OPN3: variants seen among roughly 807,000 people sequenced by gnomAD.
The protein encoded by OPN3 is opsin 3.
A neutral mutation model predicts 33.8 loss-of-function variants in OPN3; 29 were observed. The observed-to-expected ratio is 0.86, with a 90% confidence interval of 0.64 to 1.17. OPN3 has a LOEUF of 1.17. Among genes scored for constraint, OPN3 ranks in the 50% most tolerant of loss-of-function variants. The probability of loss-of-function intolerance (pLI) is 0.00; values close to 1 mark genes in which losing one functional copy is unlikely to be tolerated. For synonymous variants in OPN3, 216 were observed against 216.1 expected, an observed-to-expected ratio of 1.00 and a Z score of 0.00; for missense variants, 437 against 514.1, an observed-to-expected ratio of 0.85 and a Z score of 1.45.
chr1:241,619,424 T>C (rs2148012311), intron 1 of OPN3, among the ~76,000 whole-genome samples: 1 of 152,322 alleles, frequency 6.6e-6, no homozygotes, highest in East Asian at 1.9e-4. Flanking sequence ...CAGTTCTGAT[T>C]TCTGTACTTT....
intron 1 of OPN3, among the ~76,000 whole-genome samples, chr1:241,609,608 A>G (rs865880895): frequency 1.3e-5 from 2 of 152,380 alleles, no homozygotes; most frequent in Middle Eastern, 3.4e-3. Context: ...ACAACATTAC[A>G]GAACAATGTA....
intron 1 of OPN3, among the ~76,000 whole-genome samples, chr1:241,624,993 T>C (rs985433018): frequency 1.3e-5 from 2 of 152,224 alleles, no homozygotes; most frequent in South Asian, 2.1e-4. Flanking sequence ...ATAGCAACCA[T>C]TGGCATCCAG....
rs763535646 is a variant in OPN3, at chr1:241,594,446, G to T, written c.1191C>A (p.Ile397=). The change falls in exon 4 of 4, where the codon ATC becomes ATA. Residue 397 remains isoleucine, a synonymous_variant. Coordinates refer to ENST00000366554, the MANE Select transcript of OPN3 (RefSeq NM_014322.3). ...DKTNGSKVDV[I]QVRPL is the part of the protein sequence containing the mutation. ...TTCATTCCTACAAAGGACGAACTTG[G>T]ATTACATCAACTTTGGACCCATTGG... is the stretch of plus-strand genomic sequence containing the variant. The T allele has an allele frequency of 3.7e-6, 6 of 1,613,244 alleles. No individual in the cohort carries two copies. The highest frequency in any genetic ancestry group is 1.3e-5 in the African/African-American group (1 of 75,004).
At chr1:241,605,634 T>C (rs1663808999) in intron 1 of OPN3, among the ~76,000 whole-genome samples, 1 of 152,220 alleles carries the variant, frequency 6.6e-6, no homozygotes, top group South Asian at 2.1e-4. Context: ...GTGTAAACAC[T>C]GACAATGACC....
rs1665067504 is a variant in OPN3 at position 241,640,167 on chromosome 1, G to A, written c.88C>T (p.Leu30=). ...GGGCTGAAGAGGGGCGCGGGGCTCA[G>A]TGTCCCCGCCGGCGCCGGCCCCTCA... ...GAEGPAPAGT[L]SPAPLFSPGT... The change falls in exon 1 of 4, where the codon CTG becomes TTG. Residue 30 remains leucine, a synonymous_variant. Coordinates refer to ENST00000366554, the MANE Select transcript of OPN3 (RefSeq NM_014322.3). The A allele has an allele frequency of 1.4e-6, 2 of 1,461,796 alleles. No individual in the cohort carries two copies. The highest frequency in any genetic ancestry group is 1.4e-5 in the South Asian group (1 of 72,106). The allele number at this position is 1,461,796 out of a possible 1,614,324, so 90.6% of individuals were successfully genotyped here.
At chr1:241,616,602 G>A (rs1664137370) in intron 1 of OPN3, among the ~76,000 whole-genome samples, 1 of 151,922 alleles carries the variant, frequency 6.6e-6, no homozygotes, top group South Asian at 2.1e-4. Flanking sequence ...TTGGCACCGA[G>A]AATAGTACAA....
At chr1:241,623,343 C>T (rs11811202) in intron 1 of OPN3, among the ~76,000 whole-genome samples, 82,194 of 152,028 alleles carry the variant, frequency 0.54, 23,175 homozygotes, top group East Asian at 0.71. Flanking sequence ...AATTCAGACT[C>T]TCACCAGCTC....
At chr1:241,638,783 C>T (rs1665000156) in intron 1 of OPN3, among the ~76,000 whole-genome samples, 1 of 152,028 alleles carries the variant, frequency 6.6e-6, no homozygotes, top group African/African-American at 2.4e-5. Flanking sequence ...TGAATCATTA[C>T]AAATATAATA....
intron 1 of OPN3, among the ~76,000 whole-genome samples, chr1:241,604,879 G>A (rs971132768): frequency 5.3e-5 from 8 of 151,726 alleles, no homozygotes; most frequent in African/African-American, 1.9e-4. Flanking sequence ...AACATGGCAA[G>A]CCCTGTCTTT....
At chr1:241,619,404 C>T (rs1041322602) in intron 1 of OPN3, among the ~76,000 whole-genome samples, 1 of 152,170 alleles carries the variant, frequency 6.6e-6, no homozygotes, top group African/African-American at 2.4e-5. Context: ...TCTTTTCTAG[C>T]TTATACAGGC....
intron 1 of OPN3, chr1:241,634,193 A>G: frequency 1.2e-6 from 2 of 1,613,980 alleles, no homozygotes; most frequent in Non-Finnish European, 1.7e-6. Flanking sequence ...TTTCTTCACC[A>G]CTGATTCTAA....
intron 3 of OPN3, 50 bp downstream of exon 3, chr1:241,597,696 T>A: frequency 6.3e-7 from 1 of 1,584,706 alleles, no homozygotes; most frequent in Non-Finnish European, 8.6e-7. Context: ...ACACTGTCAT[T>A]TCCAACTCTA....
At chr1:241,611,237 G>C (rs1330416716) in intron 1 of OPN3, among the ~76,000 whole-genome samples, 1 of 152,012 alleles carries the variant, frequency 6.6e-6, no homozygotes, top group East Asian at 1.9e-4. Flanking sequence ...ATCTAGACTG[G>C]GGTAAGCAAG....
intron 1 of OPN3, chr1:241,632,748 T>G (rs1289614198): frequency 6.6e-6 from 1 of 152,108 alleles, no homozygotes; most frequent in East Asian, 1.9e-4. Context: ...TATGTTATAG[T>G]GATATTAATT....
At position 241,593,473 on chromosome 1, in the gene OPN3, C is replaced by T. The variant is rs2147991117; in HGVS notation, c.*955G>A. 1 of 343,888 alleles carries T rather than the reference C, an allele frequency of 2.9e-6. No homozygotes were observed. The highest frequency in any genetic ancestry group is 2.3e-5 in the South Asian group (1 of 43,140). 21.3% of individuals were successfully genotyped at this position (343,888 alleles called of 1,614,324 possible). On this transcript the variant is annotated 3_prime_UTR_variant, in exon 4 of 4. Transcript: ENST00000366554. ...AATAAAATAAAATGATTCAGTGTTT[C>T]TTTTCTATATTGTCAATGAAAACCT...
intron 1 of OPN3, among the ~76,000 whole-genome samples, chr1:241,620,866 C>T (rs1236374171): frequency 2.6e-5 from 4 of 152,102 alleles, no homozygotes; most frequent in Non-Finnish European, 2.9e-5. Context: ...CAGCATGACC[C>T]TAGAGAAACT....
chr1:241,599,352 A>T (rs1330120953), intron 2 of OPN3, among the ~76,000 whole-genome samples: 1 of 152,152 alleles, frequency 6.6e-6, no homozygotes, highest in Non-Finnish European at 1.5e-5. Flanking sequence ...ATTACTTTAA[A>T]AAATCAATAT....
chr1:241,606,878 T>C (rs1663846945), intron 1 of OPN3, among the ~76,000 whole-genome samples: 1 of 152,156 alleles, frequency 6.6e-6, no homozygotes, highest in African/African-American at 2.4e-5. Flanking sequence ...CCCCACGAAA[T>C]AGCTCTGTAA....
chr1:241,607,095 C>T (rs536898247), intron 1 of OPN3, among the ~76,000 whole-genome samples: 3 of 152,196 alleles, frequency 2.0e-5, no homozygotes, highest in Admixed American at 6.5e-5. Context: ...CAATATTATT[C>T]CCAGTGTCTC....
Sources: allele counts gnomAD v4.1 joint callset (sites outside exome capture counted in the v4.1 genomes callset), GRCh38; gene constraint gnomAD v4.1.1; transcripts MANE v1.5; gene names NCBI Gene and HGNC (gene_info 2026-07-23, HGNC 2026-07-21).